Variants in ALCAM observed in about 807,000 individuals in gnomAD.
ALCAM encodes the protein activated leukocyte cell adhesion molecule, also known as CD166 antigen.
ALCAM carries 30 observed loss-of-function variants against 70.9 expected under a neutral mutation model. The observed-to-expected ratio is 0.42, with a 90% CI of 0.32 to 0.57. The LOEUF (loss-of-function observed/expected upper bound fraction) is 0.57. Ranked by LOEUF, ALCAM falls within the 20% of genes least tolerant of loss-of-function variation. The probability of loss-of-function intolerance (pLI) is 0.11; values close to 1 mark genes in which losing one functional copy is unlikely to be tolerated. For missense variants in ALCAM, 591 were observed against 695.1 expected, an observed-to-expected ratio of 0.85 and a Z score of 1.68; for synonymous variants, 249 against 242.5, an observed-to-expected ratio of 1.03 and a Z score of -0.25.
chr3:105,389,493 A>G (rs973083184), intron 1 of ALCAM, among the ~76,000 whole-genome samples: 6 of 144,492 alleles, frequency 4.2e-5, no homozygotes, highest in Non-Finnish European at 7.5e-5. Flanking sequence ...TTTTAAGTAT[A>G]TGCTTTATCT....
intron 1 of ALCAM, among the ~76,000 whole-genome samples, chr3:105,410,961 C>G (rs1275649821): frequency 6.6e-6 from 1 of 151,970 alleles, no homozygotes; most frequent in African/African-American, 2.4e-5. Context: ...TTTGGTTTAT[C>G]CCTAGAATTT....
intron 1 of ALCAM, among the ~76,000 whole-genome samples, chr3:105,466,448 A>T (rs912984874): frequency 1.3e-5 from 2 of 151,504 alleles, no homozygotes; most frequent in Non-Finnish European, 3.0e-5. Context: ...TATGTTCAGA[A>T]GATTCTGTTC....
chr3:105,496,889 GAA>G (rs1218358495), intron 1 of ALCAM, among the ~76,000 whole-genome samples: 2 of 151,208 alleles, frequency 1.3e-5, no homozygotes, highest in Non-Finnish European at 3.0e-5. Flanking sequence ...GGAACGTACA[GAA>G]AAGAGACGAA....
intron 1 of ALCAM, among the ~76,000 whole-genome samples, chr3:105,480,530 T>G (rs1938243133): frequency 6.6e-6 from 1 of 152,078 alleles, no homozygotes; most frequent in Non-Finnish European, 1.5e-5. Context: ...GAAACAGAAT[T>G]CTGCACCTTT....
rs770058864 is a variant in ALCAM, at chr3:105,367,463, G to A, written c.55G>A (p.Ala19Thr). ...TCTGCTCTTCTGCCTCTTGATCTCC[G>A]CCACCGTCTTCAGGCCAGGTGAGCA... ...CRLLFCLLIS[A>T]TVFRPGLGWY... The change falls in exon 1 of 16, where the codon GCC (alanine) becomes ACC (threonine). Residue 19 changes from alanine (A) to threonine (T), a missense_variant. This residue lies in a region of ALCAM where 427 missense variants were observed against 450.4 expected (regional missense o/e 0.95). Coordinates refer to ENST00000306107, the MANE Select transcript of ALCAM (RefSeq NM_001627.4). 1 of 1,613,978 alleles carries A rather than the reference G, an allele frequency of 6.2e-7. No homozygotes were observed. The highest frequency in any genetic ancestry group is 2.2e-5 in the East Asian group (1 of 44,850).
At chr3:105,473,018 C>A (rs1381051999) in intron 1 of ALCAM, among the ~76,000 whole-genome samples, 1 of 151,376 alleles carries the variant, frequency 6.6e-6, no homozygotes, top group Non-Finnish European at 1.5e-5. Flanking sequence ...ATATATACTG[C>A]AAGACTCACA....
Position 105,552,160 on chromosome 3 carries a change from C to T in ALCAM, c.1524C>T (p.His508=), listed in dbSNP as rs75636202. 10,081 of 1,600,976 alleles carry T rather than the reference C, an allele frequency of 6.3e-3. 42 individuals carry two copies. Among genetic ancestry groups the T allele is most frequent in the Non-Finnish European group, 7.6e-3 (8,957 of 1,174,934 alleles). Residue 508 remains histidine (H), a synonymous_variant, in exon 13 of 16, where the codon CAC becomes CAT. Coordinates refer to ENST00000306107, the MANE Select transcript of ALCAM (RefSeq NM_001627.4). The part of the protein sequence containing the change: ...LNVSAISIPE[H]DEADEISDEN... ...TCATTTCAGTAAGTATTCCAGAACA[C>T]GATGAGGCAGACGAGATAAGTGGTA...
intron 1 of ALCAM, among the ~76,000 whole-genome samples, chr3:105,397,247 A>G (rs1019687084): frequency 1.3e-5 from 2 of 152,094 alleles, no homozygotes; most frequent in African/African-American, 4.8e-5. Flanking sequence ...ATATTATACT[A>G]TTGTTTTAAG....
At chr3:105,409,086 T>C (rs1357918709) in intron 1 of ALCAM, among the ~76,000 whole-genome samples, 2 of 152,094 alleles carry the variant, frequency 1.3e-5, no homozygotes, top group African/African-American at 4.8e-5. Context: ...GGAACAGTTT[T>C]ATGCTGTTGG....
intron 1 of ALCAM, among the ~76,000 whole-genome samples, chr3:105,383,857 A>G (rs1935585634): frequency 6.6e-6 from 1 of 151,720 alleles, no homozygotes; most frequent in African/African-American, 2.4e-5. Context: ...ATAATTGTAG[A>G]CATACATTCA....
chr3:105,367,267 A>G lies in ALCAM; in HGVS notation c.-142A>G. 2 of 751,164 alleles carry G rather than the reference A, an allele frequency of 2.7e-6. No individual in the cohort carries two copies. The highest frequency in any genetic ancestry group is 4.4e-6 in the Non-Finnish European group (2 of 457,378). The allele number at this position is 751,164 out of a possible 1,614,324, so 46.5% of individuals were successfully genotyped here. Reference sequence around the variant, plus strand: ...GGCAGAGAACCGAAGGTGCAGCGCCACAGCCCAGGGGACGGTGTGTCTGGG... The same window carrying G: ...GGCAGAGAACCGAAGGTGCAGCGCCGCAGCCCAGGGGACGGTGTGTCTGGG... On this transcript the variant is annotated 5_prime_UTR_variant, in exon 1 of 16. Transcript: ENST00000306107.
At chr3:105,516,634 G>A (rs770623838) in intron 1 of ALCAM, among the ~76,000 whole-genome samples, 33 of 151,866 alleles carry the variant, frequency 2.2e-4, no homozygotes, top group Non-Finnish European at 3.8e-4. Context: ...ATTTTATATC[G>A]TATTGTATGT....
intron 6 of ALCAM, among the ~76,000 whole-genome samples, chr3:105,537,752 T>G (rs571904176): frequency 1.8e-4 from 27 of 152,250 alleles, no homozygotes; most frequent in African/African-American, 5.3e-4. Flanking sequence ...TATGCAGGTT[T>G]TATGTGGTCA....
At chr3:105,541,338 TA>T (rs1940111139) in intron 7 of ALCAM, among the ~76,000 whole-genome samples, 1 of 151,920 alleles carries the variant, frequency 6.6e-6, no homozygotes, top group South Asian at 2.1e-4. Flanking sequence ...AATATAAAAA[TA>T]AAACATTGGA....
At chr3:105,563,909 G>A (rs1360446368) in intron 14 of ALCAM, among the ~76,000 whole-genome samples, 3 of 148,296 alleles carry the variant, frequency 2.0e-5, no homozygotes, top group Non-Finnish European at 3.0e-5. Context: ...GGATGGTCTC[G>A]ATCTCCTGAC....
At chr3:105,562,509 T>G (rs943096804) in intron 14 of ALCAM, among the ~76,000 whole-genome samples, 23 of 152,202 alleles carry the variant, frequency 1.5e-4, no homozygotes, top group Non-Finnish European at 1.5e-5. Flanking sequence ...TGTATCATAA[T>G]TTTTATATAT....
intron 1 of ALCAM, among the ~76,000 whole-genome samples, chr3:105,466,090 G>C (rs528966658): frequency 6.6e-6 from 1 of 151,214 alleles, no homozygotes; most frequent in Non-Finnish European, 1.5e-5. Context: ...AAAATTTATT[G>C]TACCATTTAT....
At chr3:105,516,902 A>G (rs943857570) in intron 1 of ALCAM, among the ~76,000 whole-genome samples, 1 of 152,104 alleles carries the variant, frequency 6.6e-6, no homozygotes, top group Non-Finnish European at 1.5e-5. Flanking sequence ...AAAACCATGA[A>G]TAATTTAACT....
At chr3:105,535,466 A>G (rs1939947750) in intron 6 of ALCAM, among the ~76,000 whole-genome samples, 1 of 152,154 alleles carries the variant, frequency 6.6e-6, no homozygotes, top group Non-Finnish European at 1.5e-5. Flanking sequence ...TAATGATTAG[A>G]AGCAAAAATT....
Sources: gnomAD v4.1 joint callset for allele counts (sites outside exome capture counted in the v4.1 genomes callset) on GRCh38, gnomAD v4.1.1 for gene constraint, gnomAD v4.1.1 regional missense constraint, MANE v1.5 for transcripts, NCBI Gene and HGNC (gene_info 2026-07-23, HGNC 2026-07-21) for gene names.